Variants in BAAT observed in about 807,000 individuals in gnomAD.
BAAT encodes the protein bile acid CoA: amino acid N-acyltransferase (glycine N-choloyltransferase).
A neutral mutation model predicts 18.9 loss-of-function variants in BAAT; 13 were observed. The ratio of observed to expected loss-of-function variants is 0.69; its 90% CI spans 0.45 to 1.10. The LOEUF is 1.10. Among genes scored for constraint, BAAT ranks in the 50% least tolerant of loss-of-function variants. BAAT has a pLI of 0.00. For synonymous variants in BAAT, 170 were observed against 190.7 expected (o/e 0.89, Z 0.89); for missense variants, 489 against 504.0 (o/e 0.97, Z 0.28).
chr9:101,380,008 C>T (rs904073948), intron 1 of BAAT, among the ~76,000 whole-genome samples: 1 of 152,164 alleles, frequency 6.6e-6, no homozygotes, highest in Non-Finnish European at 1.5e-5. Flanking sequence ...TTCCCATTGC[C>T]AGTGCACTGC....
rs1829748945 is a variant in BAAT, at chr9:101,362,600, T to C, written c.1085A>G (p.His362Arg). 13 of 1,614,156 alleles carry C rather than the reference T, an allele frequency of 8.1e-6. No individual in the cohort carries two copies. The highest frequency in any genetic ancestry group is 1.1e-5 in the Non-Finnish European group (13 of 1,180,032). The change falls in exon 4 of 4, where the codon CAC (histidine) becomes CGC (arginine). Residue 362 changes from histidine to arginine, a missense_variant. By Grantham distance (29) the His-to-Arg change is conservative. Coordinates refer to ENST00000259407, the MANE Select transcript of BAAT (RefSeq NM_001701.4). ...WTLLSYPGAGHLIEPPYSPLC... is the reference protein window; with the variant it reads ...WTLLSYPGAGRLIEPPYSPLC... Reference sequence around the variant, plus strand: ...AGGAGAATAGGGAGGTTCTATCAGGTGGCCTGCCCCAGGGTAAGATAGCAG... The same window carrying C: ...AGGAGAATAGGGAGGTTCTATCAGGCGGCCTGCCCCAGGGTAAGATAGCAG...
At chr9:101,368,941 C>T (rs993414376) in intron 2 of BAAT, among the ~76,000 whole-genome samples, 13 of 152,168 alleles carry the variant, frequency 8.5e-5, no homozygotes, top group African/African-American at 3.1e-4. Flanking sequence ...TGCTCTGCTA[C>T]ATTCATTTGA....
rs1385645558 is a variant in BAAT at position 101,381,657 on chromosome 9, T to A, written c.-60+3198A>T. ...AAGACAGATTGAAAGTAAAAGAAAATATATGCAACAGTGTTTGTGTTGCAT... is the reference window on the plus strand; with the variant it reads ...AAGACAGATTGAAAGTAAAAGAAAAAATATGCAACAGTGTTTGTGTTGCAT... On this transcript the variant is annotated intron_variant, in intron 1 of 3. Coordinates refer to ENST00000259407, the MANE Select transcript of BAAT (RefSeq NM_001701.4). Among the ~76,000 whole-genome samples, 3 of 151,992 alleles carry A rather than the reference T, an allele frequency of 2.0e-5. No individual in the cohort carries two copies. The East Asian group carries it at 5.8e-4, about 29-fold the overall frequency.
At chr9:101,372,169 G>A (rs1025591569) in intron 1 of BAAT, among the ~76,000 whole-genome samples, 10 of 152,066 alleles carry the variant, frequency 6.6e-5, no homozygotes, top group Non-Finnish European at 8.8e-5. Context: ...AGAGGGATGG[G>A]GGCAAGGGCT....
At chr9:101,382,056 T>G (rs769160595) in intron 1 of BAAT, among the ~76,000 whole-genome samples, 4 of 152,174 alleles carry the variant, frequency 2.6e-5, no homozygotes, top group Non-Finnish European at 5.9e-5. Context: ...GGTATAGTAT[T>G]TCTTCTACAT....
intron 3 of BAAT, among the ~76,000 whole-genome samples, chr9:101,364,322 T>C (rs1829788715): frequency 6.6e-6 from 1 of 152,196 alleles, no homozygotes; most frequent in African/African-American, 2.4e-5. Flanking sequence ...CAGACTAGGA[T>C]GCTGGCCTGT....
intron 1 of BAAT, among the ~76,000 whole-genome samples, chr9:101,378,976 A>G (rs1179205408): frequency 6.6e-6 from 1 of 152,248 alleles, no homozygotes; most frequent in African/African-American, 2.4e-5. Flanking sequence ...AACATATTTA[A>G]AAAAAGCTCA....
intron 3 of BAAT, among the ~76,000 whole-genome samples, chr9:101,363,789 T>C (rs926990348): frequency 6.6e-6 from 1 of 152,058 alleles, no homozygotes; most frequent in African/African-American, 2.4e-5. Flanking sequence ...ACAAAACAAA[T>C]GAGTCTTCGT....
intron 3 of BAAT, 63 bp from the exon 4 acceptor site, chr9:101,363,078 CA>C: frequency 6.8e-7 from 1 of 1,472,976 alleles, no homozygotes; most frequent in South Asian, 1.2e-5. Flanking sequence ...TCCACAATCT[CA>C]AACAACCAAA....
chr9:101,380,880 G>A (rs533344728), intron 1 of BAAT, among the ~76,000 whole-genome samples: 3 of 151,854 alleles, frequency 2.0e-5, no homozygotes, highest in South Asian at 2.1e-4. Context: ...AGCCTCCCGA[G>A]TAGCTGGGAT....
chr9:101,374,557 C>T (rs1830007697), intron 1 of BAAT, among the ~76,000 whole-genome samples: 1 of 152,034 alleles, frequency 6.6e-6, no homozygotes, highest in Non-Finnish European at 1.5e-5. Flanking sequence ...TTTACTGCAT[C>T]AACACTATTA....
intron 1 of BAAT, among the ~76,000 whole-genome samples, chr9:101,384,228 A>G (rs2119043955): frequency 6.6e-6 from 1 of 152,326 alleles, no homozygotes; most frequent in South Asian, 2.1e-4. Context: ...TGCTACAGAT[A>G]CAACTGATTA....
chr9:101,382,820 C>T (rs1184692318), intron 1 of BAAT, among the ~76,000 whole-genome samples: 1 of 152,128 alleles, frequency 6.6e-6, no homozygotes, highest in Non-Finnish European at 1.5e-5. Context: ...ACCAGCGTGC[C>T]CAAACAGAAA....
At chr9:101,364,065 T>C (rs959997642) in intron 3 of BAAT, among the ~76,000 whole-genome samples, 3 of 152,168 alleles carry the variant, frequency 2.0e-5, no homozygotes, top group African/African-American at 7.2e-5. Context: ...ATGCTGAGTA[T>C]AGCAGACTCT....
intron 1 of BAAT, among the ~76,000 whole-genome samples, chr9:101,378,100 G>C (rs1220747179): frequency 6.6e-6 from 1 of 152,114 alleles, no homozygotes. Context: ...AAGGAAATAA[G>C]AGAGGACATA....
In BAAT at chr9:101,370,952, G is replaced by C. The variant is rs746186421; in HGVS notation, c.453C>G (p.Leu151=). ...KVREGRLRGA[L]FLPPGEGLFP... is the part of the protein sequence containing the mutation. ...AATTCTACTCACCTGGAGGGAGAAAGAGAGCTCCTCGAAGGCGGCCTTCTC... is the reference window on the plus strand; with the variant it reads ...AATTCTACTCACCTGGAGGGAGAAACAGAGCTCCTCGAAGGCGGCCTTCTC... The change falls in exon 2 of 4, where the codon CTC becomes CTG. Residue 151 remains leucine (L), a synonymous_variant. Coordinates refer to ENST00000259407, the MANE Select transcript of BAAT (RefSeq NM_001701.4). The C allele has an allele frequency of 6.2e-7, 1 of 1,614,120 alleles. No individual in the cohort carries two copies. The highest frequency in any genetic ancestry group is 1.1e-5 in the South Asian group (1 of 91,082).
chr9:101,380,414 C>A (rs534831586), intron 1 of BAAT, among the ~76,000 whole-genome samples: 1 of 152,284 alleles, frequency 6.6e-6, no homozygotes, highest in East Asian at 1.9e-4. Flanking sequence ...ATGTTTCTCT[C>A]TGAGAAACTG....
chr9:101,362,787 C>G lies in BAAT; in HGVS notation c.898G>C (p.Glu300Gln). The part of the protein sequence containing the change: ...LGLLELYRTF[E>Q]TTQVGASQYL... ...TGACTGGCCCCAACTTGAGTTGTCT[C>G]AAAAGTGCGATAGAGCTCTAGTAAC... The change falls in exon 4 of 4, where the codon GAG becomes CAG. Residue 300 changes from glutamate to glutamine, a missense_variant. Transcript: ENST00000259407. 1 of 1,614,136 alleles carries G rather than the reference C, an allele frequency of 6.2e-7. No individual in the cohort carries two copies. Among genetic ancestry groups the G allele is most frequent in the Non-Finnish European group, 8.5e-7 (1 of 1,180,026 alleles).
chr9:101,376,310 T>C (rs1564058131), intron 1 of BAAT: 7 of 203,508 alleles, frequency 3.4e-5, no homozygotes, highest in Non-Finnish European at 4.3e-5. Flanking sequence ...GTTGCTTTCC[T>C]AGATGCAAGG....
Sources: gnomAD v4.1 joint callset for allele counts (sites outside exome capture counted in the v4.1 genomes callset) on GRCh38, gnomAD v4.1.1 for gene constraint, MANE v1.5 for transcripts, NCBI Gene and HGNC (gene_info 2026-07-23, HGNC 2026-07-21) for gene names.